Variants in MMP26 observed in about 807,000 individuals in gnomAD.
MMP26 encodes the protein matrix metalloproteinase-26.
In MMP26, 33 loss-of-function variants were observed where a neutral mutation model predicts 31.0. The observed-to-expected ratio is 1.06, with a 90% confidence interval of 0.81 to 1.42. The LOEUF is 1.42. MMP26 is among the 40% of genes most tolerant of loss of function. The pLI is 0.00. For missense variants in MMP26, 347 were observed against 316.1 expected (o/e 1.10, Z -0.74); for synonymous variants, 122 against 114.9 (o/e 1.06, Z -0.40).
At chr11:4,986,905 TTC>T (rs71050445) in intron 2 of MMP26, among the ~76,000 whole-genome samples, 779 of 48,624 alleles carry the variant, frequency 0.016, 35 homozygotes, top group African/African-American at 0.061. Context: ...CTTCCTTCCT[TTC>T]TCTCTCTCTC....
intron 2 of MMP26, among the ~76,000 whole-genome samples, chr11:4,827,136 A>C (rs1298821848): frequency 6.6e-6 from 1 of 152,152 alleles, no homozygotes; most frequent in African/African-American, 2.4e-5. Flanking sequence ...AATGAGTCTG[A>C]TTGCTGTAAC....
chr11:4,761,404 T>G (rs1016379789), intron 1 of MMP26, among the ~76,000 whole-genome samples: 3 of 152,228 alleles, frequency 2.0e-5, no homozygotes, highest in African/African-American at 7.2e-5. Flanking sequence ...GTGACCCATT[T>G]ATCTCTATGA....
intron 2 of MMP26, among the ~76,000 whole-genome samples, chr11:4,837,352 C>T (rs1299065085): frequency 1.3e-5 from 2 of 152,146 alleles, no homozygotes; most frequent in Non-Finnish European, 2.9e-5. Context: ...GGACTATAAA[C>T]ACCTGCCACC....
chr11:4,820,220 G>A (rs1849476645), intron 2 of MMP26, among the ~76,000 whole-genome samples: 1 of 152,126 alleles, frequency 6.6e-6, no homozygotes, highest in South Asian at 2.1e-4. Context: ...TTCTTCTACT[G>A]CCTAACTGCA....
intron 1 of MMP26, among the ~76,000 whole-genome samples, chr11:4,750,272 A>T (rs1191700859): frequency 6.6e-6 from 1 of 152,028 alleles, no homozygotes; most frequent in East Asian, 1.9e-4. Context: ...AAAAAATAAC[A>T]GATGTTTGTG....
chr11:4,971,594 A>G (rs1003459582), intron 2 of MMP26, among the ~76,000 whole-genome samples: 3 of 152,190 alleles, frequency 2.0e-5, no homozygotes, highest in African/African-American at 7.2e-5. Context: ...GACATAGGTT[A>G]CTAAGTAGAA....
At chr11:4,902,600 T>C (rs922617462) in intron 2 of MMP26, among the ~76,000 whole-genome samples, 3 of 152,202 alleles carry the variant, frequency 2.0e-5, no homozygotes, top group Non-Finnish European at 4.4e-5. Flanking sequence ...TTATTGAGTT[T>C]CAAGAATTCT....
chr11:4,738,395 C>G (rs1358311145), intron 1 of MMP26, among the ~76,000 whole-genome samples: 1 of 152,144 alleles, frequency 6.6e-6, no homozygotes, highest in East Asian at 1.9e-4. Context: ...TTTGCAGATT[C>G]TTACTGGTTA....
rs1848859882 is a variant in MMP26 at position 4,781,462 on chromosome 11, G to A, written c.-145+14121G>A. 2.7e-5 allele frequency among the ~76,000 whole-genome samples: 3 copies of A among 112,196 alleles called. 1 individual carries two copies. The highest frequency in any genetic ancestry group is 2.5e-4 in the Admixed American group (3 of 11,882). 73.6% of individuals were successfully genotyped at this position (112,196 alleles called of 152,430 possible). ...CTCGGGAGGCTGAGGCAGGAGAATG[G>A]CGTGAACCCGGGAAGCGGAGCTTGC... is the stretch of plus-strand genomic sequence containing the variant. On this transcript the variant is annotated intron_variant, in intron 2 of 7. Transcript: ENST00000380390.
chr11:4,902,236 G>C (rs1170495206), intron 2 of MMP26, among the ~76,000 whole-genome samples: 1 of 152,114 alleles, frequency 6.6e-6, no homozygotes, highest in Non-Finnish European at 1.5e-5. Flanking sequence ...GCATGTCAGG[G>C]ACCATCAACA....
At chr11:4,870,006 G>A (rs1446625522) in intron 2 of MMP26, among the ~76,000 whole-genome samples, 1 of 152,144 alleles carries the variant, frequency 6.6e-6, no homozygotes, top group African/African-American at 2.4e-5. Flanking sequence ...CTCACTGATA[G>A]GTGGGAACTG....
chr11:4,875,958 C>T (rs1183555154), intron 2 of MMP26: 1 of 152,068 alleles, frequency 6.6e-6, no homozygotes, highest in Non-Finnish European at 1.5e-5. Context: ...GCTTTAAATT[C>T]CTTAAAGTGT....
intron 1 of MMP26, among the ~76,000 whole-genome samples, chr11:4,712,777 A>G (rs1847878355): frequency 6.6e-6 from 1 of 151,772 alleles, no homozygotes; most frequent in African/African-American, 2.4e-5. Flanking sequence ...TTATAAAGTA[A>G]TACTTTATAT....
At chr11:4,825,061 G>C (rs1445976010) in intron 2 of MMP26, among the ~76,000 whole-genome samples, 1 of 152,060 alleles carries the variant, frequency 6.6e-6, no homozygotes, top group African/African-American at 2.4e-5. Context: ...TTATTATTTT[G>C]GGTGCAATGA....
intron 1 of MMP26, among the ~76,000 whole-genome samples, chr11:4,761,066 GCT>G (rs1428553349): frequency 4.6e-5 from 7 of 152,158 alleles, no homozygotes; most frequent in Non-Finnish European, 8.8e-5. Context: ...GGAGTTAGAA[GCT>G]CAAAGGGCTT....
In MMP26 at chr11:4,992,067, C is replaced by T. The variant is rs778728830; in HGVS notation, c.699C>T (p.His233=). Residue 233 remains histidine, a synonymous_variant, in exon 7 of 8, where the codon CAC becomes CAT. Coordinates refer to ENST00000380390, the MANE Select transcript of MMP26 (RefSeq NM_021801.5). ...TAATGTACCCCACTTACTGGTATCACGACCCTAGAACCTTCCAGCTCAGTG... is the reference window on the plus strand; with the variant it reads ...TAATGTACCCCACTTACTGGTATCATGACCCTAGAACCTTCCAGCTCAGTG... ...SSIMYPTYWY[H]DPRTFQLSAD... 18 of 1,613,956 alleles carry T rather than the reference C, an allele frequency of 1.1e-5. No homozygotes were observed. Among genetic ancestry groups the T allele is most frequent in the Middle Eastern group, 1.6e-4 (1 of 6,062 alleles).
At chr11:4,991,220 T>A in intron 5 of MMP26, 151 bp from the exon 6 acceptor site, 1 of 982,936 alleles carries the variant, frequency 1.0e-6, no homozygotes, top group Non-Finnish European at 1.4e-6. Context: ...CCCCACCTTA[T>A]TTCTCTGCAT....
intron 2 of MMP26, among the ~76,000 whole-genome samples, chr11:4,905,676 T>C (rs1850876071): frequency 6.6e-6 from 1 of 152,138 alleles, no homozygotes; most frequent in Non-Finnish European, 1.5e-5. Flanking sequence ...TTTCATAATT[T>C]TAATTTATGC....
chr11:4,898,343 C>G (rs1399268248), intron 2 of MMP26, among the ~76,000 whole-genome samples: 1 of 151,854 alleles, frequency 6.6e-6, no homozygotes, highest in African/African-American at 2.4e-5. Flanking sequence ...TATTATTTCT[C>G]TCTTTTTCTT....
Sources: allele counts gnomAD v4.1 joint callset (sites outside exome capture counted in the v4.1 genomes callset), GRCh38; gene constraint gnomAD v4.1.1; transcripts MANE v1.5; gene names NCBI Gene and HGNC (gene_info 2026-07-23, HGNC 2026-07-21).